The following XIRP2 variants were observed in gnomAD, a reference collection of about 807,000 sequenced individuals.
The protein encoded by XIRP2 is xin actin-binding repeat-containing protein 2.
A neutral mutation model predicts 277.0 loss-of-function variants in XIRP2; 236 were observed. The ratio of observed to expected loss-of-function variants is 0.85; its 90% CI spans 0.77 to 0.95. The LOEUF is 0.95. XIRP2 is among the 40% of genes least tolerant of loss of function. The pLI is 0.00. For synonymous variants in XIRP2, 1,490 were observed against 1,416.5 expected, an observed-to-expected ratio of 1.05 and a Z score of -1.17; for missense variants, 4,640 against 4,157.5, an observed-to-expected ratio of 1.12 and a Z score of -3.19.
chr2:166,963,411 T>C (rs1686348238), intron 2 of XIRP2, among the ~76,000 whole-genome samples: 1 of 151,714 alleles, frequency 6.6e-6, no homozygotes. Flanking sequence ...CAGAGAAAGG[T>C]GGACTAAAAC....
intron 2 of XIRP2, among the ~76,000 whole-genome samples, chr2:167,121,526 G>T (rs1328564959): frequency 6.6e-6 from 1 of 152,140 alleles, no homozygotes; most frequent in Non-Finnish European, 1.5e-5. Flanking sequence ...AGCCATTAGA[G>T]ATTTTTCCAT....
intron 10 of XIRP2, 52 bp from the exon 11 acceptor site, chr2:167,257,805 T>C (rs1458866018): frequency 1.3e-6 from 2 of 1,516,856 alleles, no homozygotes. Flanking sequence ...CCCAATTCCC[T>C]ATGAACTTAC....
chr2:167,169,738 A>T (rs572749941), intron 3 of XIRP2, among the ~76,000 whole-genome samples: 1 of 152,266 alleles, frequency 6.6e-6, no homozygotes, highest in South Asian at 2.1e-4. Context: ...TAGAAACAGT[A>T]TTTATTTGGG....
intron 3 of XIRP2, among the ~76,000 whole-genome samples, chr2:167,202,470 A>G (rs1046194980): frequency 1.3e-5 from 2 of 152,244 alleles, no homozygotes; most frequent in African/African-American, 4.8e-5. Context: ...GCAGGTAGAA[A>G]TAACAGTCCT....
At chr2:167,019,198 A>C (rs1369857998) in intron 2 of XIRP2, among the ~76,000 whole-genome samples, 2 of 152,034 alleles carry the variant, frequency 1.3e-5, no homozygotes. Context: ...TAAGACTTCA[A>C]AGTGATTTAA....
At chr2:167,056,358 T>G (rs955446642) in intron 2 of XIRP2, among the ~76,000 whole-genome samples, 1 of 152,156 alleles carries the variant, frequency 6.6e-6, no homozygotes, top group African/African-American at 2.4e-5. Context: ...GGTTAATCAT[T>G]CATTTCTGCA....
intron 2 of XIRP2, among the ~76,000 whole-genome samples, chr2:166,919,515 A>G (rs2105356025): frequency 6.6e-6 from 1 of 152,342 alleles, no homozygotes; most frequent in Non-Finnish European, 1.5e-5. Context: ...ATTAATCAAC[A>G]TGTTCTGATT....
In XIRP2 at chr2:166,912,885, C is replaced by G. The variant is rs545628648; in HGVS notation, c.408+8995C>G. Among the ~76,000 whole-genome samples, 34 of 151,846 alleles carry G rather than the reference C, an allele frequency of 2.2e-4. No individual in the cohort carries two copies. The South Asian group carries it at 3.5e-3, about 16-fold the overall frequency. ...CTGGAGGTCCACTCGAGACCGTTTC[C>G]CTGGGTATCAGCAGCAGAGGCTGCA... On this transcript the variant is annotated intron_variant, in intron 2 of 10. Coordinates refer to ENST00000409195, the MANE Select transcript of XIRP2 (RefSeq NM_152381.6).
At chr2:166,927,896 T>C (rs1685232799) in intron 2 of XIRP2, among the ~76,000 whole-genome samples, 1 of 152,182 alleles carries the variant, frequency 6.6e-6, no homozygotes, top group Non-Finnish European at 1.5e-5. Context: ...ATGTTATCTT[T>C]TCTTTAGTTG....
At chr2:167,179,477 C>A (rs535013274) in intron 3 of XIRP2, among the ~76,000 whole-genome samples, 36 of 151,894 alleles carry the variant, frequency 2.4e-4, no homozygotes, top group Middle Eastern at 3.4e-3. Flanking sequence ...TGCACCACCA[C>A]ACCTGGCTAA....
chr2:167,254,635 G>A (rs1027857927), intron 10 of XIRP2, among the ~76,000 whole-genome samples: 2 of 151,856 alleles, frequency 1.3e-5, no homozygotes, highest in Non-Finnish European at 2.9e-5. Context: ...AAATGGGCTT[G>A]GCTGTGTTCC....
At chr2:167,114,347 C>T (rs1307304431) in intron 2 of XIRP2, among the ~76,000 whole-genome samples, 1 of 152,046 alleles carries the variant, frequency 6.6e-6, no homozygotes, top group East Asian at 1.9e-4. Context: ...TTTTGTCTGA[C>T]TTGAGTTATT....
intron 2 of XIRP2, among the ~76,000 whole-genome samples, chr2:167,005,402 AG>A (rs1285811905): frequency 6.6e-6 from 1 of 151,912 alleles, no homozygotes. Context: ...ACAACACTGT[AG>A]TTCAAGTCCA....
At chr2:167,060,680 A>G (rs979985714) in intron 2 of XIRP2, among the ~76,000 whole-genome samples, 1 of 152,170 alleles carries the variant, frequency 6.6e-6, no homozygotes, top group Admixed American at 6.5e-5. Flanking sequence ...TTTATTGATC[A>G]TATATGTGTG....
chr2:167,219,090 T>C (rs1223728898), intron 5 of XIRP2, among the ~76,000 whole-genome samples: 1 of 152,066 alleles, frequency 6.6e-6, no homozygotes, highest in East Asian at 1.9e-4. Context: ...GTTGCCTAAA[T>C]TTTTTTAAAT....
rs1221027832 is a variant in XIRP2, at chr2:167,244,898, T to C, written c.3506T>C (p.Phe1169Ser). ...GGDVRTACFL[F>S]ETENLDSIQG... ...GATGTTCGTACAGCATGTTTTCTTT[T>C]TGAGACAGAAAATTTGGACAGCATA... Residue 1169 changes from phenylalanine to serine, a missense_variant, in exon 9 of 11, where the codon TTT (phenylalanine) becomes TCT (serine). Coordinates refer to ENST00000409195, the MANE Select transcript of XIRP2 (RefSeq NM_152381.6). The C allele has an allele frequency of 6.2e-7, 1 of 1,613,172 alleles. No individual in the cohort carries two copies. Among genetic ancestry groups the C allele is most frequent in the African/African-American group, 1.3e-5 (1 of 74,930 alleles).
chr2:167,049,312 T>C (rs1688861755), intron 2 of XIRP2, among the ~76,000 whole-genome samples: 1 of 151,972 alleles, frequency 6.6e-6, no homozygotes, highest in African/African-American at 2.4e-5. Flanking sequence ...TTTTAAAATT[T>C]TGTCCATATT....
chr2:166,950,687 A>C (rs1351222917), intron 2 of XIRP2, among the ~76,000 whole-genome samples: 1 of 152,082 alleles, frequency 6.6e-6, no homozygotes, highest in African/African-American at 2.4e-5. Flanking sequence ...AGCTAAAATA[A>C]GAGCTTGTTG....
At chr2:167,073,516 T>C (rs1298500116) in intron 2 of XIRP2, among the ~76,000 whole-genome samples, 1 of 152,166 alleles carries the variant, frequency 6.6e-6, no homozygotes, top group Non-Finnish European at 1.5e-5. Context: ...CTTCAGCCTT[T>C]GTCTTGAGCT....
Sources: allele counts gnomAD v4.1 joint callset (sites outside exome capture counted in the v4.1 genomes callset), GRCh38; gene constraint gnomAD v4.1.1; transcripts MANE v1.5; gene names NCBI Gene and HGNC (gene_info 2026-07-23, HGNC 2026-07-21).